Variants in UBE2E2 observed in about 807,000 individuals in gnomAD.
UBE2E2 encodes the protein ubiquitin-conjugating enzyme E2 E2.
Under a neutral mutation model 24.7 loss-of-function variants are expected in UBE2E2, and 6 were observed. The ratio of observed to expected loss-of-function variants is 0.24; its 90% CI spans 0.13 to 0.48. UBE2E2 has a LOEUF of 0.48. Among genes scored for constraint, UBE2E2 ranks in the 20% least tolerant of loss-of-function variants. UBE2E2 has a pLI of 0.99. For synonymous variants in UBE2E2, 104 were observed against 83.6 expected (o/e 1.24, Z -1.33); for missense variants, 169 against 245.0 (o/e 0.69, Z 2.07).
At chr3:23,473,422 T>G (rs1033024430) in intron 3 of UBE2E2, among the ~76,000 whole-genome samples, 3 of 151,870 alleles carry the variant, frequency 2.0e-5, no homozygotes, top group Admixed American at 6.6e-5. Flanking sequence ...TAGACCAAAG[T>G]GAAAAAAATT....
chr3:23,380,312 A>T (rs1212994630), intron 3 of UBE2E2, among the ~76,000 whole-genome samples: 1 of 152,154 alleles, frequency 6.6e-6, no homozygotes, highest in African/African-American at 2.4e-5. Context: ...CTGGAGCTCT[A>T]GGGCTCAAGC....
At chr3:23,522,854 C>T (rs1432392515) in intron 4 of UBE2E2, among the ~76,000 whole-genome samples, 1 of 151,800 alleles carries the variant, frequency 6.6e-6, no homozygotes, top group Non-Finnish European at 1.5e-5. Context: ...AAATGCAAAA[C>T]ATTCCACAGT....
chr3:23,307,378 G>A (rs962796079), intron 3 of UBE2E2, among the ~76,000 whole-genome samples: 2 of 151,982 alleles, frequency 1.3e-5, no homozygotes, highest in African/African-American at 4.8e-5. Flanking sequence ...ATCTCCTAAG[G>A]CATTATTGCT....
At chr3:23,367,468 G>A (rs994818623) in intron 3 of UBE2E2, among the ~76,000 whole-genome samples, 1 of 152,138 alleles carries the variant, frequency 6.6e-6, no homozygotes, top group Non-Finnish European at 1.5e-5. Context: ...CTTATGTTAT[G>A]AAACCTCCAT....
chr3:23,260,555 G>A (rs1411777665), intron 3 of UBE2E2, among the ~76,000 whole-genome samples: 1 of 152,112 alleles, frequency 6.6e-6, no homozygotes, highest in Non-Finnish European at 1.5e-5. Flanking sequence ...GTTTACTCCT[G>A]TAATCCCAGC....
chr3:23,334,952 T>C (rs1575568063), intron 3 of UBE2E2, among the ~76,000 whole-genome samples: 1 of 152,250 alleles, frequency 6.6e-6, no homozygotes, highest in East Asian at 1.9e-4. Context: ...TATGATGCAA[T>C]TGAAATTTCC....
At chr3:23,577,888 A>T (rs1696381824) in intron 5 of UBE2E2, among the ~76,000 whole-genome samples, 1 of 151,874 alleles carries the variant, frequency 6.6e-6, no homozygotes, top group South Asian at 2.1e-4. Flanking sequence ...ACCCTTAAAA[A>T]CTTGCCTGTG....
chr3:23,419,793 A>G (rs978231569), intron 3 of UBE2E2, among the ~76,000 whole-genome samples: 1 of 152,154 alleles, frequency 6.6e-6, no homozygotes, highest in African/African-American at 2.4e-5. Flanking sequence ...GGTTTCAATG[A>G]CATTTGCTTC....
chr3:23,391,690 GCTT>G lies in UBE2E2; in HGVS notation c.228-107915_228-107913del, dbSNP rs2125361478. ...ATACTGCATTAACCGCATATTTTTG[GCTT>G]CTGAAATTTGAAGAGCCAGTAGCAG... On this transcript the variant is annotated intron_variant, in intron 3 of 5. Transcript: ENST00000396703. Among the ~76,000 whole-genome samples the G allele has an allele frequency of 1.3e-5, 2 of 152,048 alleles. 1 individual carries two copies. The highest frequency in any genetic ancestry group is 4.2e-4 in the South Asian group (2 of 4,804).
At chr3:23,273,896 C>T (rs1019461604) in intron 3 of UBE2E2, 1 of 152,286 alleles carries the variant, frequency 6.6e-6, no homozygotes, top group Non-Finnish European at 1.5e-5. Flanking sequence ...CACTGCTTCA[C>T]TTGACTAGCC....
At position 23,529,779 on chromosome 3, in the gene UBE2E2, T is replaced by C. The variant is rs140947500; in HGVS notation, c.361-2775T>C. ...TGCCTTCTCCAGAGAAATTTTAATA[T>C]CACGAGATAGTCTCTGTTTCATTAA... On this transcript the variant is annotated intron_variant, in intron 4 of 5. Transcript: ENST00000396703. 1.3e-3 allele frequency among the ~76,000 whole-genome samples: 199 copies of C among 152,358 alleles called. 1 individual carries two copies. Among genetic ancestry groups the C allele is most frequent in the African/African-American group, 4.6e-3 (191 of 41,590 alleles).
At chr3:23,267,329 G>A (rs1305545270) in intron 3 of UBE2E2, among the ~76,000 whole-genome samples, 1 of 152,056 alleles carries the variant, frequency 6.6e-6, no homozygotes, top group African/African-American at 2.4e-5. Context: ...AAGAAGAAAA[G>A]AGAGAAGAAT....
chr3:23,293,424 A>G (rs997085018), intron 3 of UBE2E2, among the ~76,000 whole-genome samples: 2 of 152,236 alleles, frequency 1.3e-5, no homozygotes, highest in African/African-American at 2.4e-5. Context: ...TCTCAAATGC[A>G]TAATATTGTG....
chr3:23,319,327 C>G (rs1266294525), intron 3 of UBE2E2, among the ~76,000 whole-genome samples: 1 of 152,164 alleles, frequency 6.6e-6, no homozygotes, highest in Non-Finnish European at 1.5e-5. Context: ...ACTTAACATT[C>G]TTAGTGAGAA....
At chr3:23,572,788 A>T (rs760292197) in intron 5 of UBE2E2, among the ~76,000 whole-genome samples, 4 of 152,174 alleles carry the variant, frequency 2.6e-5, no homozygotes, top group Non-Finnish European at 4.4e-5. Flanking sequence ...TCCACTGTTG[A>T]TGGGCACCTA....
At chr3:23,469,829 T>C (rs573058056) in intron 3 of UBE2E2, among the ~76,000 whole-genome samples, 1 of 152,242 alleles carries the variant, frequency 6.6e-6, no homozygotes, top group Non-Finnish European at 1.5e-5. Context: ...TGAAGTCCTC[T>C]GATTTCTAAA....
chr3:23,253,870 A>G (rs929698704), intron 3 of UBE2E2, among the ~76,000 whole-genome samples: 1 of 150,650 alleles, frequency 6.6e-6, no homozygotes, highest in Non-Finnish European at 1.5e-5. Flanking sequence ...AATCCCTAGA[A>G]AAAGATAATT....
chr3:23,322,805 A>G (rs1694780803), intron 3 of UBE2E2, among the ~76,000 whole-genome samples: 1 of 151,842 alleles, frequency 6.6e-6, no homozygotes, highest in South Asian at 2.1e-4. Flanking sequence ...AATACAGTGT[A>G]TTTTCTCTAT....
At chr3:23,562,654 C>A (rs1418368243) in intron 5 of UBE2E2, among the ~76,000 whole-genome samples, 1 of 152,154 alleles carries the variant, frequency 6.6e-6, no homozygotes, top group Admixed American at 6.5e-5. Flanking sequence ...GTATCAGCTC[C>A]TCCTTGTACC....
Sources: gnomAD v4.1 joint callset for allele counts (sites outside exome capture counted in the v4.1 genomes callset) on GRCh38, gnomAD v4.1.1 for gene constraint, MANE v1.5 for transcripts, NCBI Gene and HGNC (gene_info 2026-07-23, HGNC 2026-07-21) for gene names.